Variants in TRDN observed in about 807,000 individuals in gnomAD.
TRDN encodes triadin in skeletal muscle.
Under a neutral mutation model 149.7 loss-of-function variants are expected in TRDN, and 161 were observed. That is an observed-to-expected ratio of 1.08 (90% CI 0.95 to 1.23). The LOEUF is 1.23. TRDN is among the 50% of genes most tolerant of loss of function. TRDN has a pLI of 0.00. For synonymous variants in TRDN, 294 were observed against 250.5 expected (o/e 1.17, Z -1.64); for missense variants, 896 against 823.5 (o/e 1.09, Z -1.08).
At chr6:123,556,960 G>T (rs913410335) in intron 2 of TRDN, among the ~76,000 whole-genome samples, 2 of 152,134 alleles carry the variant, frequency 1.3e-5, no homozygotes, top group African/African-American at 4.8e-5. Flanking sequence ...AGTGAAAGTG[G>T]CCGGTCCCTG....
At chr6:123,545,949 C>T (rs1781089895) in intron 4 of TRDN, among the ~76,000 whole-genome samples, 1 of 151,854 alleles carries the variant, frequency 6.6e-6, no homozygotes, top group East Asian at 1.9e-4. Context: ...AAAAACATGG[C>T]TTTATAATAG....
At chr6:123,323,749 A>G (rs1191783356) in intron 23 of TRDN, among the ~76,000 whole-genome samples, 1 of 152,146 alleles carries the variant, frequency 6.6e-6, no homozygotes, top group African/African-American at 2.4e-5. Context: ...TTCTGTCATC[A>G]TTTCATTTTC....
chr6:123,422,007 C>T (rs1363954557), intron 12 of TRDN, among the ~76,000 whole-genome samples: 1 of 151,794 alleles, frequency 6.6e-6, no homozygotes, highest in Admixed American at 6.6e-5. Context: ...ATAAAAATAA[C>T]ACAACAATAA....
At chr6:123,237,429 T>C (rs1362261886) in intron 38 of TRDN, among the ~76,000 whole-genome samples, 1 of 152,112 alleles carries the variant, frequency 6.6e-6, no homozygotes, top group Admixed American at 6.6e-5. Context: ...TTTGTATTTT[T>C]AGCAGAGACA....
intron 1 of TRDN, among the ~76,000 whole-genome samples, chr6:123,614,192 G>A (rs933941320): frequency 3.3e-5 from 5 of 151,010 alleles, no homozygotes; most frequent in African/African-American, 9.8e-5. Context: ...GTTAAGGTTT[G>A]GGAGGCATGG....
chr6:123,587,824 TTGAGCCAGGA>T (rs1363453435), intron 1 of TRDN, among the ~76,000 whole-genome samples: 11 of 151,982 alleles, frequency 7.2e-5, no homozygotes, highest in African/African-American at 1.9e-4. Flanking sequence ...GGGGGAGCTT[TTGAGCCAGGA>T]TGAGCCAGGA....
At chr6:123,628,803 A>G (rs1785810302) in intron 1 of TRDN, among the ~76,000 whole-genome samples, 1 of 152,078 alleles carries the variant, frequency 6.6e-6, no homozygotes, top group Non-Finnish European at 1.5e-5. Context: ...CAGGCATTCA[A>G]TTTGGTACGT....
intron 1 of TRDN, among the ~76,000 whole-genome samples, chr6:123,577,529 TC>T (rs1256489597): frequency 6.6e-6 from 1 of 152,198 alleles, no homozygotes; most frequent in African/African-American, 2.4e-5. Flanking sequence ...TACCACATTT[TC>T]TTTATTTAAT....
At chr6:123,242,836 G>C (rs1441467880) in intron 38 of TRDN, among the ~76,000 whole-genome samples, 2 of 151,858 alleles carry the variant, frequency 1.3e-5, no homozygotes, top group Non-Finnish European at 2.9e-5. Flanking sequence ...AACTCTTGCA[G>C]GCCTCAAGAT....
intron 9 of TRDN, among the ~76,000 whole-genome samples, chr6:123,481,613 T>A (rs1441594100): frequency 6.6e-6 from 1 of 152,050 alleles, no homozygotes; most frequent in Non-Finnish European, 1.5e-5. Flanking sequence ...CATAAGATGA[T>A]CCATACCTAG....
chr6:123,271,409 T>G (rs954003669), intron 29 of TRDN, among the ~76,000 whole-genome samples: 1 of 151,976 alleles, frequency 6.6e-6, no homozygotes, highest in African/African-American at 2.4e-5. Flanking sequence ...GAAGTTTTCC[T>G]AACTTAAATT....
At chr6:123,263,320 G>A (rs1359559635) in intron 33 of TRDN, among the ~76,000 whole-genome samples, 3 of 152,096 alleles carry the variant, frequency 2.0e-5, no homozygotes, top group Admixed American at 1.3e-4. Context: ...TGAAGGCTGA[G>A]AGAAGTGAGG....
intron 2 of TRDN, among the ~76,000 whole-genome samples, chr6:123,555,636 G>A (rs1562385632): frequency 6.6e-6 from 1 of 152,096 alleles, no homozygotes; most frequent in Non-Finnish European, 1.5e-5. Flanking sequence ...AACCAAAATA[G>A]TAATAATTTA....
chr6:123,571,123 G>T lies in TRDN; in HGVS notation c.32C>A (p.Ser11Tyr). 1 of 1,613,814 alleles carries T rather than the reference G, an allele frequency of 6.2e-7. No individual in the cohort carries two copies. Among genetic ancestry groups the T allele is most frequent in the Non-Finnish European group, 8.5e-7 (1 of 1,179,816 alleles). MTEITAEGNA[S>Y]TTTTVIDSKN... ...GCTGTCTATCACAGTTGTGGTTGTA[G>T]ATGCATTTCCTAATCAAACATTCAG... The change falls in exon 2 of 41, where the codon TCT becomes TAT. Residue 11 changes from serine to tyrosine, a missense_variant. Ser to Tyr is a moderately radical substitution (Grantham distance 144). Transcript: ENST00000334268.
chr6:123,256,008 T>A, intron 35 of TRDN, 106 bp from the exon 36 acceptor site: 2 of 541,352 alleles, frequency 3.7e-6, no homozygotes, highest in Non-Finnish European at 2.7e-6. Flanking sequence ...GTTACATAGG[T>A]ATACATGTGT....
chr6:123,507,029 A>G lies in TRDN; in HGVS notation c.611-3128T>C, dbSNP rs1426597368. Among the ~76,000 whole-genome samples, 3 of 152,164 alleles carry G rather than the reference A, an allele frequency of 2.0e-5. No homozygotes were observed. The East Asian group carries it at 5.8e-4, about 29-fold the overall frequency. On this transcript the variant is annotated intron_variant, in intron 7 of 40. Transcript: ENST00000334268. Reference sequence around the variant, plus strand: ...CAGAGAAAACAGAGGATAAATGTATACTGGATTAGCAATTTTGATGGAGAG... The same window carrying G: ...CAGAGAAAACAGAGGATAAATGTATGCTGGATTAGCAATTTTGATGGAGAG...
intron 9 of TRDN, among the ~76,000 whole-genome samples, chr6:123,494,322 T>G (rs1193844226): frequency 1.3e-5 from 2 of 152,166 alleles, no homozygotes; most frequent in Non-Finnish European, 2.9e-5. Flanking sequence ...ATAGATGATT[T>G]TATTATTCCT....
At chr6:123,585,407 C>CA (rs960044440) in intron 1 of TRDN, among the ~76,000 whole-genome samples, 3 of 152,038 alleles carry the variant, frequency 2.0e-5, no homozygotes, top group African/African-American at 7.2e-5. Flanking sequence ...GCAAGGGAAA[C>CA]AGGCCCTTGA....
rs1773103262 is a variant in TRDN, at chr6:123,404,324, T to C, written c.1052-10647A>G. ...TATGTTGTTTGTTATCTCTAAGATG[T>C]GTGGGAAAATATGCAGTTAGTATTT... On this transcript the variant is annotated intron_variant, in intron 12 of 40. Transcript: ENST00000334268. 3.3e-5 allele frequency among the ~76,000 whole-genome samples: 5 copies of C among 152,354 alleles called. No individual in the cohort carries two copies. The South Asian group carries it at 1.0e-3, about 32-fold the overall frequency.
Sources: gnomAD v4.1 joint callset for allele counts (sites outside exome capture counted in the v4.1 genomes callset) on GRCh38, gnomAD v4.1.1 for gene constraint, MANE v1.5 for transcripts, NCBI Gene and HGNC (gene_info 2026-07-23, HGNC 2026-07-21) for gene names.